The following TMEM39B variants were observed in gnomAD, a reference collection of about 807,000 sequenced individuals.
TMEM39B encodes transmembrane protein 39B.
In TMEM39B, 23 loss-of-function variants were observed where a neutral mutation model predicts 52.2. The ratio of observed to expected loss-of-function variants is 0.44; its 90% CI spans 0.32 to 0.62. The LOEUF is 0.62. TMEM39B is among the 20% of genes least tolerant of loss of function. TMEM39B has a pLI of 0.06. For synonymous variants in TMEM39B, 285 were observed against 264.0 expected (o/e 1.08, Z -0.77); for missense variants, 547 against 642.0 (o/e 0.85, Z 1.60).
chr1:32,082,365 C>A (rs1399138347), intron 5 of TMEM39B, among the ~76,000 whole-genome samples: 1 of 152,114 alleles, frequency 6.6e-6, no homozygotes, highest in Non-Finnish European at 1.5e-5. Flanking sequence ...ATGAAAATAT[C>A]ATTCACTCCA....
At chr1:32,078,791 C>G (rs1639969818) in intron 5 of TMEM39B, among the ~76,000 whole-genome samples, 1 of 152,036 alleles carries the variant, frequency 6.6e-6, no homozygotes, top group African/African-American at 2.4e-5. Flanking sequence ...CAGGTGCCCA[C>G]CACCACGCCT....
At chr1:32,090,977 G>C (rs1252378729) in intron 5 of TMEM39B, among the ~76,000 whole-genome samples, 2 of 152,058 alleles carry the variant, frequency 1.3e-5, no homozygotes, top group African/African-American at 2.4e-5. Flanking sequence ...TTGTAGAGAT[G>C]GGGTCTCACT....
Position 32,076,801 on chromosome 1 carries a change from C to T in TMEM39B, c.390C>T (p.Thr130=). ...TCGACTTCAACTTGCTGATGGTGACCACCATCGTTCTGGGCCGCCGCTTCA... is the reference window on the plus strand; with the variant it reads ...TCGACTTCAACTTGCTGATGGTGACTACCATCGTTCTGGGCCGCCGCTTCA... ...HLIDFNLLMV[T]TIVLGRRFIG... Residue 130 remains threonine, a synonymous_variant, in exon 4 of 9, where the codon ACC becomes ACT. Transcript: ENST00000336294. 1 of 1,614,078 alleles carries T rather than the reference C, an allele frequency of 6.2e-7. No individual in the cohort carries two copies. The highest frequency in any genetic ancestry group is 8.5e-7 in the Non-Finnish European group (1 of 1,180,006).
intron 1 of TMEM39B, among the ~76,000 whole-genome samples, chr1:32,074,512 C>G (rs748439753): frequency 1.3e-5 from 2 of 152,100 alleles, no homozygotes; most frequent in African/African-American, 2.4e-5. Context: ...ACCTCATTGA[C>G]CTTTCATTGT....
Position 32,094,768 on chromosome 1 carries a change from C to T in TMEM39B, c.928-16C>T, listed in dbSNP as rs1047143829. 1 of 1,613,686 alleles carries T rather than the reference C, an allele frequency of 6.2e-7. No homozygotes were observed. Among genetic ancestry groups the T allele is most frequent in the South Asian group, 1.1e-5 (1 of 91,068 alleles). ...TATGGGGATCCCAGGCCTCACCCACCTTCTGCTACCCCCAGAACACACATT... is the reference window on the plus strand; with the variant it reads ...TATGGGGATCCCAGGCCTCACCCACTTTCTGCTACCCCCAGAACACACATT... On this transcript the variant is annotated splice_polypyrimidine_tract_variant and intron_variant, in intron 6 of 8. Coordinates refer to ENST00000336294, the MANE Select transcript of TMEM39B (RefSeq NM_018056.4).
intron 1 of TMEM39B, among the ~76,000 whole-genome samples, chr1:32,074,368 C>T (rs892496034): frequency 2.6e-5 from 4 of 152,050 alleles, no homozygotes; most frequent in African/African-American, 7.2e-5. Context: ...GACCCAGCCA[C>T]GATACTGTGA....
At position 32,073,001 on chromosome 1, in the gene TMEM39B, G is replaced by T. The variant is rs1019057146; in HGVS notation, c.-47G>T. The T allele has an allele frequency of 1.3e-6, 2 of 1,532,728 alleles. No individual in the cohort carries two copies. Among genetic ancestry groups the T allele is most frequent in the African/African-American group, 1.4e-5 (1 of 71,134 alleles). 94.9% of individuals were successfully genotyped at this position (1,532,728 alleles called of 1,614,324 possible). ...CGGCCGCCGTCGCCTCCGACATATTGCCCGCAGGAGCTGCGGCGGCGAAGC... is the reference window on the plus strand; with the variant it reads ...CGGCCGCCGTCGCCTCCGACATATTTCCCGCAGGAGCTGCGGCGGCGAAGC... On this transcript the variant is annotated 5_prime_UTR_variant, in exon 1 of 9. Transcript: ENST00000336294.
At chr1:32,081,307 T>C (rs1640091784) in intron 5 of TMEM39B, among the ~76,000 whole-genome samples, 1 of 151,076 alleles carries the variant, frequency 6.6e-6, no homozygotes, top group Admixed American at 6.6e-5. Flanking sequence ...GGTCTGGCTC[T>C]GTTGCCCAGG....
chr1:32,083,882 A>C (rs1375672319), intron 5 of TMEM39B, among the ~76,000 whole-genome samples: 1 of 152,098 alleles, frequency 6.6e-6, no homozygotes, highest in Non-Finnish European at 1.5e-5. Context: ...AGTAGCTGGG[A>C]CTACAGGTAC....
chr1:32,102,419 G>T lies in TMEM39B; in HGVS notation c.1237-12G>T. 1.2e-6 allele frequency: 2 copies of T among 1,610,378 alleles called. No homozygotes were observed. Among genetic ancestry groups the T allele is most frequent in the Non-Finnish European group, 1.7e-6 (2 of 1,177,938 alleles). ...GCACACCTTTTAGCCATGCCCACCC[G>T]CTTCCGGGCAGTTCTTTTTCAGCAA... On this transcript the variant is annotated splice_polypyrimidine_tract_variant and intron_variant, in intron 8 of 8. Coordinates refer to ENST00000336294, the MANE Select transcript of TMEM39B (RefSeq NM_018056.4).
intron 6 of TMEM39B, among the ~76,000 whole-genome samples, chr1:32,094,282 A>G (rs915520997): frequency 1.5e-4 from 22 of 150,700 alleles, no homozygotes; most frequent in Non-Finnish European, 1.5e-5. Context: ...ACACGCCACC[A>G]CGCCCGGCTA....
At position 32,076,768 on chromosome 1, in the gene TMEM39B, C is replaced by T. The variant is rs867352311; in HGVS notation, c.357C>T (p.Phe119=). ...SHPPSHTSLN[F]HLIDFNLLMV... Reference sequence around the variant, plus strand: ...AGGCCTCTGCCCCCTGACAGAACTTCCATCTGATCGACTTCAACTTGCTGA... The same window carrying T: ...AGGCCTCTGCCCCCTGACAGAACTTTCATCTGATCGACTTCAACTTGCTGA... The change falls in exon 4 of 9, where the codon TTC becomes TTT. Residue 119 remains phenylalanine, a synonymous_variant. Transcript: ENST00000336294. The T allele has an allele frequency of 6.2e-7, 1 of 1,614,092 alleles. No individual in the cohort carries two copies. The highest frequency in any genetic ancestry group is 8.5e-7 in the Non-Finnish European group (1 of 1,179,994).
intron 6 of TMEM39B, among the ~76,000 whole-genome samples, chr1:32,093,114 T>TTTTAGACGGAGTCTCGC (rs1553121845): frequency 2.0e-5 from 3 of 152,130 alleles, no homozygotes; most frequent in African/African-American, 7.2e-5. Context: ...CTCTCTTTTT[T>TTTTAGACGGAGTCTCGC]TTTAGACGGA....
At chr1:32,076,939 G>C in intron 4 of TMEM39B, 93 bp downstream of exon 4, 1 of 1,451,772 alleles carries the variant, frequency 6.9e-7, no homozygotes, top group South Asian at 1.2e-5. Flanking sequence ...CAGCCTTAGG[G>C]TATTTCCTTG....
At chr1:32,101,702 G>A (rs1383354109) in intron 8 of TMEM39B, among the ~76,000 whole-genome samples, 4 of 152,182 alleles carry the variant, frequency 2.6e-5, no homozygotes, top group Non-Finnish European at 5.9e-5. Context: ...GTGCAGAGCT[G>A]AGCCTGATAT....
At chr1:32,079,105 C>T (rs900749110) in intron 5 of TMEM39B, among the ~76,000 whole-genome samples, 11 of 151,806 alleles carry the variant, frequency 7.2e-5, no homozygotes, top group South Asian at 2.1e-4. Flanking sequence ...CTGTATTGCC[C>T]AGGCTGGAGT....
At chr1:32,088,278 A>G (rs971021741) in intron 5 of TMEM39B, among the ~76,000 whole-genome samples, 12 of 128,502 alleles carry the variant, frequency 9.3e-5, no homozygotes, top group Admixed American at 1.6e-4. Context: ...TTAGTCGGGT[A>G]TAGTGGCGGG....
chr1:32,093,806 T>TTTTTGTTTTGTTTTG (rs528545796), intron 6 of TMEM39B, among the ~76,000 whole-genome samples: 1 of 151,262 alleles, frequency 6.6e-6, no homozygotes, highest in Admixed American at 6.6e-5. Context: ...GGTTGCTTTT[T>TTTTTGTTTTGTTTTG]TTTTGTTTTG....
At chr1:32,094,693 C>G in intron 6 of TMEM39B, 91 bp from the exon 7 acceptor site, 1 of 1,439,014 alleles carries the variant, frequency 6.9e-7, no homozygotes, top group South Asian at 1.2e-5. Context: ...CCAGGACTGT[C>G]CTAACCTCTC....
Sources: gnomAD v4.1 joint callset for allele counts (sites outside exome capture counted in the v4.1 genomes callset) on GRCh38, gnomAD v4.1.1 for gene constraint, MANE v1.5 for transcripts, NCBI Gene and HGNC (gene_info 2026-07-23, HGNC 2026-07-21) for gene names.